Variants in MIER1 observed in about 807,000 individuals in gnomAD.
MIER1 encodes mesoderm induction early response protein 1.
MIER1 carries 40 observed loss-of-function variants against 75.7 expected under a neutral mutation model. The observed-to-expected ratio is 0.53, with a 90% CI of 0.41 to 0.69. The LOEUF is 0.69. Among genes scored for constraint, MIER1 ranks in the 30% least tolerant of loss-of-function variants. MIER1 has a pLI of 0.00. For synonymous variants in MIER1, 213 were observed against 223.4 expected, an observed-to-expected ratio of 0.95 and a Z score of 0.42; for missense variants, 574 against 680.2, an observed-to-expected ratio of 0.84 and a Z score of 1.74.
chr1:66,960,217 A>C lies in MIER1; in HGVS notation c.699+474A>C, dbSNP rs531454983. 9 of 152,250 alleles carry C rather than the reference A, an allele frequency of 5.9e-5. No homozygotes were observed. The South Asian group carries it at 1.9e-3, about 32-fold the overall frequency. The allele number at this position is 152,250 out of a possible 1,614,324, so 9.4% of individuals were successfully genotyped here. On this transcript the variant is annotated intron_variant, in intron 7 of 13. Coordinates refer to ENST00000401041, the MANE Select transcript of MIER1 (RefSeq NM_001077700.3). ...TGGAGGCTTTGATATTTGTTAAGTA[A>C]ATTTTGTTTAGTAGTTCATATTGCA...
intron 3 of MIER1, among the ~76,000 whole-genome samples, chr1:66,942,660 A>C (rs774749170): frequency 8.5e-5 from 13 of 152,258 alleles, no homozygotes; most frequent in Non-Finnish European, 1.6e-4. Context: ...TAAGATGGTT[A>C]GTTTGTTCTA....
intron 13 of MIER1, 110 bp from the exon 14 acceptor site, chr1:66,984,458 CTATG>C (rs1666495738): frequency 2.7e-6 from 2 of 734,312 alleles, no homozygotes; most frequent in East Asian, 2.6e-5. Flanking sequence ...AGAATTTAGA[CTATG>C]TATTTGATAC....
intron 4 of MIER1, among the ~76,000 whole-genome samples, chr1:66,953,817 C>T (rs920356023): frequency 4.0e-5 from 6 of 151,630 alleles, no homozygotes; most frequent in South Asian, 2.1e-4. Flanking sequence ...TTGGCCAGGC[C>T]GGTCTTGAAC....
Position 66,981,888 on chromosome 1 carries a change from G to T in MIER1, c.1339G>T (p.Asp447Tyr). 2 of 1,614,036 alleles carry T rather than the reference G, an allele frequency of 1.2e-6. No homozygotes were observed. Among genetic ancestry groups the T allele is most frequent in the Admixed American group, 3.3e-5 (2 of 60,018 alleles). Residue 447 changes from aspartate (D) to tyrosine (Y), a missense_variant, in exon 13 of 14, where the codon GAT becomes TAT. Transcript: ENST00000401041. ...NSSNSQSEKE[D>Y]GTVSTANQNG... ...TAGTAACAGCCAGTCTGAGAAAGAA[G>T]ATGGCACTGTAAGCACTGCTAATCA...
At chr1:66,940,920 A>G (rs983126359) in intron 3 of MIER1, among the ~76,000 whole-genome samples, 1 of 152,224 alleles carries the variant, frequency 6.6e-6, no homozygotes, top group South Asian at 2.1e-4. Flanking sequence ...AGTCCAATAT[A>G]GAAGAGTGAG....
intron 2 of MIER1, 78 bp downstream of exon 2, chr1:66,926,320 C>T: frequency 8.8e-7 from 1 of 1,138,458 alleles, no homozygotes; most frequent in Non-Finnish European, 1.3e-6. Flanking sequence ...TATTACTCTT[C>T]TTATATGTTC....
chr1:66,980,287 A>G (rs932252124), intron 12 of MIER1, among the ~76,000 whole-genome samples: 38 of 152,186 alleles, frequency 2.5e-4, no homozygotes, highest in African/African-American at 1.7e-4. Context: ...ATTTAATTCT[A>G]TATAGATTTA....
At chr1:66,947,861 T>C (rs964440065) in intron 4 of MIER1, 84 of 900,736 alleles carry the variant, frequency 9.3e-5, no homozygotes, top group Middle Eastern at 1.1e-3. Flanking sequence ...TAGTTTCTTC[T>C]GCTTCAAGGG....
At chr1:66,964,671 T>TG (rs147636291) in intron 8 of MIER1, among the ~76,000 whole-genome samples, 11,521 of 151,920 alleles carry the variant, frequency 0.076, 546 homozygotes, top group African/African-American at 0.13. Context: ...AGGCTGGTCT[T>TG]GAACTCCTGA....
chr1:66,942,111 G>T (rs547830136), intron 3 of MIER1, among the ~76,000 whole-genome samples: 3 of 152,018 alleles, frequency 2.0e-5, no homozygotes, highest in Non-Finnish European at 4.4e-5. Context: ...TGAGGCTTCT[G>T]CCCAGGGCAG....
At chr1:66,940,270 C>CTTTTTTTTTTTTTT (rs35904130) in intron 3 of MIER1, 3 of 126,656 alleles carry the variant, frequency 2.4e-5, no homozygotes, top group African/African-American at 4.7e-5. Flanking sequence ...TTTGGGTTTT[C>CTTTTTTTTTTTTTT]TTTTTTTTTT....
chr1:66,977,685 A>G (rs1417393126), intron 12 of MIER1, among the ~76,000 whole-genome samples: 2 of 152,230 alleles, frequency 1.3e-5, no homozygotes, highest in Non-Finnish European at 2.9e-5. Flanking sequence ...TGTTACTTAA[A>G]CAGAAAAGAG....
chr1:66,925,036 G>A lies in MIER1; in HGVS notation c.8G>A (p.Gly3Glu). MD[G>E]ASSGGGGSSE... ...TCTCCCGGCTGCAGGCGGATGGATG[G>A]GGCTTCTTCAGGCGGTGGCGGCAGC... The change falls in exon 1 of 14, where the codon GGG becomes GAG. Residue 3 changes from glycine (G) to glutamate (E), a missense_variant. Physicochemically the swap from Gly to Glu is moderately conservative, Grantham distance 98 (BLOSUM62 -2). Around this residue, in one of 3 missense-constraint regions of MIER1, gnomAD observed 309 missense variants for 352.8 expected, o/e 0.88. Coordinates refer to ENST00000401041, the MANE Select transcript of MIER1 (RefSeq NM_001077700.3). 1.3e-6 allele frequency: 2 copies of A among 1,549,524 alleles called. No homozygotes were observed. Among genetic ancestry groups the A allele is most frequent in the African/African-American group, 1.4e-5 (1 of 72,928 alleles).
At chr1:66,975,030 T>C (rs770480899) in intron 11 of MIER1, among the ~76,000 whole-genome samples, 21 of 152,192 alleles carry the variant, frequency 1.4e-4, no homozygotes, top group African/African-American at 4.8e-4. Flanking sequence ...TCCTGATTGC[T>C]GTCAGTCTCA....
At chr1:66,964,063 A>G (rs957343547) in intron 8 of MIER1, among the ~76,000 whole-genome samples, 1 of 151,696 alleles carries the variant, frequency 6.6e-6, no homozygotes, top group East Asian at 1.9e-4. Context: ...ATAACATACA[A>G]TACTTGAAGA....
At chr1:66,972,216 C>CAT (rs71058485) in intron 10 of MIER1, among the ~76,000 whole-genome samples, 1,334 of 89,286 alleles carry the variant, frequency 0.015, 23 homozygotes, top group African/African-American at 0.044. Flanking sequence ...AAGAGTACTA[C>CAT]ATATATATAT....
chr1:66,981,877 C>A lies in MIER1; in HGVS notation c.1328C>A (p.Ser443Tyr). ...PTASNSSNSQ[S>Y]EKEDGTVSTA... Reference sequence around the variant, plus strand: ...GCATCAAACAGTAGTAACAGCCAGTCTGAGAAAGAAGATGGCACTGTAAGC... The same window carrying A: ...GCATCAAACAGTAGTAACAGCCAGTATGAGAAAGAAGATGGCACTGTAAGC... The change falls in exon 13 of 14, where the codon TCT becomes TAT. Residue 443 changes from serine (S) to tyrosine (Y), a missense_variant. This residue lies in a region of MIER1 where 164 missense variants were observed against 154.3 expected (regional missense o/e 1.06). Coordinates refer to ENST00000401041, the MANE Select transcript of MIER1 (RefSeq NM_001077700.3). 1 of 1,614,052 alleles carries A rather than the reference C, an allele frequency of 6.2e-7. No homozygotes were observed.
At chr1:66,969,048 C>G (rs889909095) in intron 8 of MIER1, among the ~76,000 whole-genome samples, 6 of 152,158 alleles carry the variant, frequency 3.9e-5, no homozygotes, top group African/African-American at 1.4e-4. Context: ...TTCATTTTAT[C>G]ATGGTAGTTT....
chr1:66,982,681 A>G (rs1489359366), intron 13 of MIER1, among the ~76,000 whole-genome samples: 1 of 152,234 alleles, frequency 6.6e-6, no homozygotes, highest in Non-Finnish European at 1.5e-5. Flanking sequence ...CTTCTTCCTG[A>G]CAGAAACTGG....
Sources: allele counts gnomAD v4.1 joint callset (sites outside exome capture counted in the v4.1 genomes callset), GRCh38; gene constraint gnomAD v4.1.1; regional missense constraint gnomAD v4.1.1; transcripts MANE v1.5; gene names NCBI Gene and HGNC (gene_info 2026-07-23, HGNC 2026-07-21).